Variants in RALYL observed in about 807,000 individuals in gnomAD.
RALYL encodes the protein RNA-binding Raly-like protein.
RALYL carries 29 observed loss-of-function variants against 35.1 expected under a neutral mutation model. The observed-to-expected ratio is 0.83, with a 90% confidence interval of 0.61 to 1.13. The LOEUF is 1.13. RALYL is among the 50% of genes most tolerant of loss of function. The pLI is 0.00. For synonymous variants in RALYL, 120 were observed against 127.6 expected (o/e 0.94, Z 0.40); for missense variants, 359 against 360.4 (o/e 1.00, Z 0.03).
chr8:84,343,971 T>A (rs1462329805), intron 1 of RALYL, among the ~76,000 whole-genome samples: 1 of 152,008 alleles, frequency 6.6e-6, no homozygotes, highest in Non-Finnish European at 1.5e-5. Context: ...TGCGGTGATA[T>A]ATGGCAATTG....
chr8:84,912,523 A>G (rs534556454), intron 8 of RALYL, among the ~76,000 whole-genome samples: 27 of 152,174 alleles, frequency 1.8e-4, no homozygotes, highest in Non-Finnish European at 2.2e-4. Flanking sequence ...TTTGTGACCC[A>G]GAAGCTAATT....
At chr8:84,678,909 C>A in intron 2 of RALYL, 1 of 196,874 alleles carries the variant, frequency 5.1e-6, no homozygotes, top group South Asian at 8.8e-5. Flanking sequence ...AAATCGTGGT[C>A]AGAGCACTTA....
chr8:84,632,593 G>A (rs1318960112), intron 2 of RALYL, among the ~76,000 whole-genome samples: 1 of 151,676 alleles, frequency 6.6e-6, no homozygotes, highest in Admixed American at 6.6e-5. Flanking sequence ...CTGTGTGTGT[G>A]TGTGTGTGTG....
chr8:84,227,154 G>A (rs535866640), intron 1 of RALYL, among the ~76,000 whole-genome samples: 12 of 137,252 alleles, frequency 8.7e-5, no homozygotes, highest in Non-Finnish European at 1.7e-4. Flanking sequence ...TCCATCTCCC[G>A]GGTTCAAACG....
At chr8:84,875,001 A>G (rs1237067195) in intron 7 of RALYL, among the ~76,000 whole-genome samples, 1 of 152,194 alleles carries the variant, frequency 6.6e-6, no homozygotes, top group African/African-American at 2.4e-5. Flanking sequence ...GTAGATGAGG[A>G]ATGATAGACT....
At chr8:84,758,551 A>G (rs1811966403) in intron 2 of RALYL, among the ~76,000 whole-genome samples, 1 of 152,126 alleles carries the variant, frequency 6.6e-6, no homozygotes, top group Admixed American at 6.6e-5. Context: ...TAGGTGGAGG[A>G]GGATTATTCT....
chr8:84,499,339 A>C (rs1369202700), intron 1 of RALYL, among the ~76,000 whole-genome samples: 1 of 152,212 alleles, frequency 6.6e-6, no homozygotes, highest in Non-Finnish European at 1.5e-5. Flanking sequence ...TATCAATAGA[A>C]TACTTGTTTT....
chr8:84,389,880 G>T (rs1255131193), intron 1 of RALYL, among the ~76,000 whole-genome samples: 1 of 151,438 alleles, frequency 6.6e-6, no homozygotes, highest in Admixed American at 6.6e-5. Context: ...CCAACAGTAT[G>T]TTGAATAGGA....
intron 2 of RALYL, among the ~76,000 whole-genome samples, chr8:84,628,571 C>T (rs934924297): frequency 6.6e-6 from 1 of 151,984 alleles, no homozygotes; most frequent in Admixed American, 6.6e-5. Flanking sequence ...TTTACATCAA[C>T]TCATGTTGCA....
intron 1 of RALYL, among the ~76,000 whole-genome samples, chr8:84,511,910 T>C (rs2057660147): frequency 6.6e-6 from 1 of 152,218 alleles, no homozygotes; most frequent in African/African-American, 2.4e-5. Context: ...CCATTGCGTA[T>C]GTACACCACA....
At chr8:84,729,959 G>A (rs1845812923) in intron 2 of RALYL, among the ~76,000 whole-genome samples, 1 of 152,050 alleles carries the variant, frequency 6.6e-6, no homozygotes, top group Admixed American at 6.6e-5. Context: ...AGAGGTACAA[G>A]GAGGAACTGG....
chr8:84,330,298 C>G (rs985936679), intron 1 of RALYL, among the ~76,000 whole-genome samples: 1 of 151,950 alleles, frequency 6.6e-6, no homozygotes, highest in African/African-American at 2.4e-5. Context: ...AATTCTTAGT[C>G]TTTCTGAAGG....
chr8:84,477,569 A>G (rs1226350658), intron 1 of RALYL, among the ~76,000 whole-genome samples: 1 of 150,304 alleles, frequency 6.7e-6, no homozygotes. Context: ...AATACGATAT[A>G]TATTTTTGCT....
intron 2 of RALYL, among the ~76,000 whole-genome samples, chr8:84,643,319 C>T (rs1447819372): frequency 6.6e-6 from 1 of 151,942 alleles, no homozygotes; most frequent in Non-Finnish European, 1.5e-5. Flanking sequence ...GAGAAGAGCC[C>T]CAGTGACAAC....
At chr8:84,633,655 A>C (rs2131277567) in intron 2 of RALYL, among the ~76,000 whole-genome samples, 1 of 152,028 alleles carries the variant, frequency 6.6e-6, no homozygotes, top group Admixed American at 6.6e-5. Flanking sequence ...TACTAACTAA[A>C]GATTAAATTA....
chr8:84,576,223 T>C (rs13261697), intron 2 of RALYL, among the ~76,000 whole-genome samples: 4,381 of 152,316 alleles, frequency 0.029, 83 homozygotes, highest in Non-Finnish European at 0.045. Flanking sequence ...TCATTTCATA[T>C]ACTGTGAAAT....
intron 1 of RALYL, among the ~76,000 whole-genome samples, chr8:84,216,052 A>C (rs1010633535): frequency 2.6e-5 from 4 of 152,150 alleles, no homozygotes; most frequent in Non-Finnish European, 5.9e-5. Context: ...CACATTTTGC[A>C]CTTATCATAT....
chr8:84,396,893 T>C (rs1262910304), intron 1 of RALYL, among the ~76,000 whole-genome samples: 1 of 152,190 alleles, frequency 6.6e-6, no homozygotes, highest in Non-Finnish European at 1.5e-5. Context: ...TTAATGTGGT[T>C]ATTATAATCT....
At chr8:84,529,188 G>T in intron 1 of RALYL, 111 bp from the exon 2 acceptor site, 1 of 1,052,450 alleles carries the variant, frequency 9.5e-7, no homozygotes, top group Admixed American at 2.8e-5. Flanking sequence ...TTAGGGATTG[G>T]AGGTTTCCTG....
Sources: allele counts gnomAD v4.1 joint callset (sites outside exome capture counted in the v4.1 genomes callset), GRCh38; gene constraint gnomAD v4.1.1; transcripts MANE v1.5; gene names NCBI Gene and HGNC (gene_info 2026-07-23, HGNC 2026-07-21).